Variants in KLF5 observed in about 807,000 individuals in gnomAD.
KLF5 encodes KLF transcription factor 5.
In KLF5, 9 loss-of-function variants were observed where a neutral mutation model predicts 36.9. That is an observed-to-expected ratio of 0.24 (90% CI 0.15 to 0.43). The LOEUF is 0.43. KLF5 is among the 20% of genes least tolerant of loss of function. The probability of loss-of-function intolerance (pLI) is 1.00; values close to 1 mark genes in which losing one functional copy is unlikely to be tolerated. For synonymous variants in KLF5, 246 were observed against 241.7 expected (o/e 1.02, Z -0.17); for missense variants, 524 against 599.5 (o/e 0.87, Z 1.31).
chr13:73,064,838 G>A (rs993382373), intron 3 of KLF5, among the ~76,000 whole-genome samples: 1 of 152,094 alleles, frequency 6.6e-6, no homozygotes, highest in Non-Finnish European at 1.5e-5. Flanking sequence ...CACCGCGCCC[G>A]ACCAGCACTT....
chr13:73,068,739 T>A (rs2044700408), intron 3 of KLF5, among the ~76,000 whole-genome samples: 1 of 150,484 alleles, frequency 6.6e-6, no homozygotes, highest in Non-Finnish European at 1.5e-5. Context: ...CCTTTCTAGG[T>A]CTTTGCTCCA....
chr13:73,062,423 T>A lies in KLF5; in HGVS notation c.824T>A (p.Val275Glu). The A allele has an allele frequency of 1.2e-6, 2 of 1,614,196 alleles. No homozygotes were observed. The highest frequency in any genetic ancestry group is 8.5e-7 in the Non-Finnish European group (1 of 1,180,042). Residue 275 changes from valine (V) to glutamate (E), a missense_variant, in exon 2 of 4, where the codon GTG (valine) becomes GAG (glutamate). Around this residue, in one of 4 missense-constraint regions of KLF5, gnomAD observed 454 missense variants for 458.1 expected, o/e 0.99. Transcript: ENST00000377687. Reference sequence around the variant, plus strand: ...ACCTCTGCTGTTCCGCAGACTGCAGTGAAACAATTCCAGGGCATGCCCCCT... The same window carrying A: ...ACCTCTGCTGTTCCGCAGACTGCAGAGAAACAATTCCAGGGCATGCCCCCT... ...THTSAVPQTA[V>E]KQFQGMPPCT...
intron 1 of KLF5, among the ~76,000 whole-genome samples, chr13:73,061,073 C>CA (rs530127909): frequency 5.9e-4 from 89 of 152,094 alleles, no homozygotes; most frequent in African/African-American, 1.9e-3. Flanking sequence ...GCAGCCTCCC[C>CA]ACCCACGGGC....
chr13:73,061,012 C>T (rs1050336882), intron 1 of KLF5, among the ~76,000 whole-genome samples: 4 of 152,068 alleles, frequency 2.6e-5, no homozygotes, highest in Non-Finnish European at 5.9e-5. Flanking sequence ...AGCATTGGCC[C>T]ACTGAGAAGG....
intron 3 of KLF5, 103 bp from the exon 4 acceptor site, chr13:73,075,599 TCTTTCG>T (rs1164650914): frequency 4.4e-6 from 4 of 911,326 alleles, no homozygotes; most frequent in South Asian, 4.0e-5. Flanking sequence ...GAGCTTTCCT[TCTTTCG>T]CTTGGCCAAG....
chr13:73,065,874 C>T (rs775563901), intron 3 of KLF5, among the ~76,000 whole-genome samples: 42 of 152,150 alleles, frequency 2.8e-4, no homozygotes, highest in Non-Finnish European at 4.6e-4. Flanking sequence ...CCTTTCACCC[C>T]GTCAGGGTTT....
Position 73,059,165 on chromosome 13 carries a change from T to G in KLF5, c.-163T>G. On this transcript the variant is annotated 5_prime_UTR_variant, in exon 1 of 4. Coordinates refer to ENST00000377687, the MANE Select transcript of KLF5 (RefSeq NM_001730.5). ...TGTGGAAGAGCGGAAGAGTTTTGCT[T>G]TTCGTGCGCGCCTTCGAAAACTGCC... The G allele has an allele frequency of 1.7e-6, 1 of 577,476 alleles. No homozygotes were observed. The highest frequency in any genetic ancestry group is 2.6e-6 in the Non-Finnish European group (1 of 388,230). 35.8% of individuals were successfully genotyped at this position (577,476 alleles called of 1,614,324 possible).
chr13:73,066,469 C>T (rs1303064002), intron 3 of KLF5, among the ~76,000 whole-genome samples: 1 of 152,170 alleles, frequency 6.6e-6, no homozygotes, highest in African/African-American at 2.4e-5. Context: ...TTAAAAACCA[C>T]ACAACAGTTG....
At chr13:73,073,973 G>A (rs1454817637) in intron 3 of KLF5, among the ~76,000 whole-genome samples, 1 of 152,124 alleles carries the variant, frequency 6.6e-6, no homozygotes, top group Non-Finnish European at 1.5e-5. Flanking sequence ...GAATTGAGAT[G>A]TTCATTTTTA....
chr13:73,076,192 G>A lies in KLF5; in HGVS notation c.*306G>A, dbSNP rs568617879. ...GGGGGTGGAGGGGAGTGTGTGCAGC[G>A]TTTTTACCTAGGCACCATCATTTAA... On this transcript the variant is annotated 3_prime_UTR_variant, in exon 4 of 4. Transcript: ENST00000377687. 5 of 254,884 alleles carry A rather than the reference G, an allele frequency of 2.0e-5. No homozygotes were observed. The highest frequency in any genetic ancestry group is 1.1e-4 in the Admixed American group (2 of 18,232). The allele number at this position is 254,884 out of a possible 1,614,324, so 15.8% of individuals were successfully genotyped here. A position where few individuals can be genotyped will look rare whatever the true frequency, so the allele number is the denominator to read the frequency against.
chr13:73,059,305 T>C lies in KLF5; in HGVS notation c.-23T>C. 1 of 1,349,978 alleles carries C rather than the reference T, an allele frequency of 7.4e-7. No homozygotes were observed. The highest frequency in any genetic ancestry group is 9.5e-7 in the Non-Finnish European group (1 of 1,050,192). 83.6% of individuals were successfully genotyped at this position (1,349,978 alleles called of 1,614,324 possible). ...GTGGGAAGTGCGCCCGACCCGCGCC[T>C]GGAGCTGCGCCCCCGAGTGCCCATG... On this transcript the variant is annotated 5_prime_UTR_variant, in exon 1 of 4. Transcript: ENST00000377687.
intron 3 of KLF5, among the ~76,000 whole-genome samples, chr13:73,068,820 C>T (rs1268917284): frequency 4.0e-5 from 6 of 151,446 alleles, no homozygotes; most frequent in Admixed American, 2.0e-4. Flanking sequence ...TGGCTGGGCG[C>T]GGTGGCGGCT....
upstream of KLF5, among the ~76,000 whole-genome samples, chr13:73,058,220 T>C (rs912129633): frequency 2.0e-5 from 3 of 152,206 alleles, no homozygotes; most frequent in African/African-American, 7.2e-5. Flanking sequence ...ACGGCTTAAA[T>C]ATTAGAAACT....
chr13:73,059,781 G>C lies in KLF5; in HGVS notation c.261+193G>C, dbSNP rs943062062. ...CGTTTCGCTGAGAGTAAATGGGGGG[G>C]GGGGCCGGGGGTGGGAAGGATGGAG... is the stretch of plus-strand genomic sequence containing the variant. On this transcript the variant is annotated intron_variant, in intron 1 of 3. Coordinates refer to ENST00000377687, the MANE Select transcript of KLF5 (RefSeq NM_001730.5). 3.6e-4 allele frequency: 267 copies of C among 734,302 alleles called. 1 individual carries two copies. The highest frequency in any genetic ancestry group is 4.4e-4 in the Non-Finnish European group (260 of 597,694). The allele number at this position is 734,302 out of a possible 1,614,324, so 45.5% of individuals were successfully genotyped here.
chr13:73,067,013 A>G (rs1244949379), intron 3 of KLF5, among the ~76,000 whole-genome samples: 2 of 152,202 alleles, frequency 1.3e-5, no homozygotes, highest in African/African-American at 2.4e-5. Context: ...TATTATTTGT[A>G]GTATGTGTGT....
At chr13:73,061,463 A>T (rs2044634337) in intron 1 of KLF5, among the ~76,000 whole-genome samples, 1 of 152,214 alleles carries the variant, frequency 6.6e-6, no homozygotes, top group Non-Finnish European at 1.5e-5. Flanking sequence ...AACAGAATTG[A>T]GGTAGTTTGG....
intron 3 of KLF5, 109 bp from the exon 4 acceptor site, chr13:73,075,596 CCTT>C (rs2044753790): frequency 2.3e-6 from 2 of 870,432 alleles, no homozygotes; most frequent in Non-Finnish European, 3.5e-6. Flanking sequence ...CATGAGCTTT[CCTT>C]CTTTCGCTTG....
chr13:73,059,163 C>A lies in KLF5; in HGVS notation c.-165C>A. The A allele has an allele frequency of 1.8e-6, 1 of 560,624 alleles. No homozygotes were observed. Among genetic ancestry groups the A allele is most frequent in the Non-Finnish European group, 2.7e-6 (1 of 372,442 alleles). 34.7% of individuals were successfully genotyped at this position (560,624 alleles called of 1,614,324 possible). Reference sequence around the variant, plus strand: ...CGTGTGGAAGAGCGGAAGAGTTTTGCTTTTCGTGCGCGCCTTCGAAAACTG... The same window carrying A: ...CGTGTGGAAGAGCGGAAGAGTTTTGATTTTCGTGCGCGCCTTCGAAAACTG... On this transcript the variant is annotated 5_prime_UTR_variant, in exon 1 of 4. Coordinates refer to ENST00000377687, the MANE Select transcript of KLF5 (RefSeq NM_001730.5).
In KLF5 at chr13:73,076,094, G is replaced by T. The variant is rs2044759211; in HGVS notation, c.*208G>T. On this transcript the variant is annotated 3_prime_UTR_variant, in exon 4 of 4. Transcript: ENST00000377687. The stretch of plus-strand genomic sequence containing the variant: ...ATTTTAAGAATCTGGAATGCTTGCT[G>T]TAATGTATATGGCTTTACTCAAGCA... The T allele has an allele frequency of 2.5e-5, 10 of 397,124 alleles. No homozygotes were observed. Among genetic ancestry groups the T allele is most frequent in the Non-Finnish European group, 4.0e-5 (9 of 225,860 alleles). 24.6% of individuals were successfully genotyped at this position (397,124 alleles called of 1,614,324 possible).
Sources: allele counts gnomAD v4.1 joint callset (sites outside exome capture counted in the v4.1 genomes callset), GRCh38; gene constraint gnomAD v4.1.1; regional missense constraint gnomAD v4.1.1; transcripts MANE v1.5; gene names NCBI Gene and HGNC (gene_info 2026-07-23, HGNC 2026-07-21).